Variants in KLHL28 observed in about 807,000 individuals in gnomAD.
The protein encoded by KLHL28 is kelch-like protein 28.
In KLHL28, 22 loss-of-function variants were observed where a neutral mutation model predicts 48.3. That is an observed-to-expected ratio of 0.46 (90% confidence interval 0.33 to 0.65). The LOEUF is 0.65. Ranked by LOEUF, KLHL28 falls within the 30% of genes least tolerant of loss-of-function variation. KLHL28 has a pLI of 0.03. For synonymous variants in KLHL28, 243 were observed against 242.4 expected (o/e 1.00, Z -0.02); for missense variants, 527 against 704.3 (o/e 0.75, Z 2.85).
At chr14:44,937,127 GT>G (rs1275465159) in intron 2 of KLHL28, among the ~76,000 whole-genome samples, 1 of 150,400 alleles carries the variant, frequency 6.6e-6, no homozygotes, top group Non-Finnish European at 1.5e-5. Flanking sequence ...GAATTGAATT[GT>G]TTTTTTTGTT....
At chr14:44,943,615 C>G (rs1884194528) in intron 2 of KLHL28, among the ~76,000 whole-genome samples, 1 of 151,772 alleles carries the variant, frequency 6.6e-6, no homozygotes, top group Admixed American at 6.6e-5. Flanking sequence ...TGAGATTGCA[C>G]CACTGCACTC....
intron 4 of KLHL28, among the ~76,000 whole-genome samples, chr14:44,929,600 G>C (rs948751396): frequency 2.0e-5 from 3 of 152,196 alleles, no homozygotes; most frequent in East Asian, 3.9e-4. Context: ...ACTATCTGCA[G>C]TTTCAGTCCA....
chr14:44,942,541 T>C (rs1052874143), intron 2 of KLHL28, among the ~76,000 whole-genome samples: 1 of 152,200 alleles, frequency 6.6e-6, no homozygotes, highest in East Asian at 1.9e-4. Flanking sequence ...AGTCTTTTTT[T>C]TTTTTTAAAT....
At chr14:44,936,114 C>A (rs1883816040) in intron 2 of KLHL28, among the ~76,000 whole-genome samples, 1 of 151,328 alleles carries the variant, frequency 6.6e-6, no homozygotes, top group African/African-American at 2.4e-5. Context: ...AGTAGTCTGA[C>A]CCTAACAAGG....
chr14:44,958,159 C>A (rs1484695170), intron 1 of KLHL28, among the ~76,000 whole-genome samples: 1 of 150,542 alleles, frequency 6.6e-6, no homozygotes, highest in Non-Finnish European at 1.5e-5. Context: ...TAAAAAGTAT[C>A]CATTTGAAAT....
At position 44,945,806 on chromosome 14, in the gene KLHL28, T is replaced by C; in HGVS notation, c.123A>G (p.Val41=). Residue 41 remains valine, a synonymous_variant, in exon 2 of 5, where the codon GTA becomes GTG. Transcript: ENST00000396128. ...TGTGAGCATGAATTTTAACATCACC[T>C]ACTCGAAGAATGATGTCACAGAGTT... The part of the protein sequence containing the change: ...HHELCDIILR[V]GDVKIHAHKV... 1 of 1,614,122 alleles carries C rather than the reference T, an allele frequency of 6.2e-7. No individual in the cohort carries two copies. Among genetic ancestry groups the C allele is most frequent in the Non-Finnish European group, 8.5e-7 (1 of 1,179,960 alleles).
chr14:44,936,868 A>G (rs189837475), intron 2 of KLHL28, among the ~76,000 whole-genome samples: 323 of 152,328 alleles, frequency 2.1e-3, no homozygotes, highest in Non-Finnish European at 3.7e-3. Context: ...AGAGCAATCA[A>G]TTCTACTAAC....
chr14:44,936,691 C>A (rs558998090), intron 2 of KLHL28, among the ~76,000 whole-genome samples: 1 of 152,248 alleles, frequency 6.6e-6, no homozygotes, highest in African/African-American at 2.4e-5. Context: ...TTACATTCTG[C>A]TGCTCAGATG....
chr14:44,951,056 T>C (rs1422244646), intron 1 of KLHL28, among the ~76,000 whole-genome samples: 1 of 152,254 alleles, frequency 6.6e-6, no homozygotes. Flanking sequence ...GTAAACTGCC[T>C]GGATCCTTGT....
At chr14:44,935,900 A>ATATATATATATATATATATATATATATC (rs1180902349) in intron 2 of KLHL28, among the ~76,000 whole-genome samples, 1 of 129,042 alleles carries the variant, frequency 7.7e-6, no homozygotes, top group Non-Finnish European at 1.7e-5. Context: ...GTATATATAT[A>ATATATATATATATATATATATATATATC]TATCTTTACC....
rs185361638 is a variant in KLHL28, at chr14:44,925,075, T to C, written c.*3953A>G. On this transcript the variant is annotated 3_prime_UTR_variant, in exon 5 of 5. Transcript: ENST00000396128. ...AATCATGTCTAATTAAAGTGCTGTTTACAAAGGGAAAAAAGGTTAAGAAGT... is the reference window on the plus strand; with the variant it reads ...AATCATGTCTAATTAAAGTGCTGTTCACAAAGGGAAAAAAGGTTAAGAAGT... 6.5e-6 allele frequency: 1 copy of C among 152,712 alleles called. No individual in the cohort carries two copies. Among genetic ancestry groups the C allele is most frequent in the East Asian group, 1.9e-4 (1 of 5,194 alleles). 9.5% of individuals were successfully genotyped at this position (152,712 alleles called of 1,614,324 possible). A position where few individuals can be genotyped will look rare whatever the true frequency, so the allele number is the denominator to read the frequency against.
chr14:44,951,122 C>T (rs1289460773), intron 1 of KLHL28, among the ~76,000 whole-genome samples: 8 of 152,230 alleles, frequency 5.3e-5, no homozygotes, highest in Non-Finnish European at 1.0e-4. Flanking sequence ...AAAACTATGG[C>T]TAAGCAGTTT....
At chr14:44,940,254 G>A (rs1884012738) in intron 2 of KLHL28, among the ~76,000 whole-genome samples, 1 of 152,106 alleles carries the variant, frequency 6.6e-6, no homozygotes, top group Non-Finnish European at 1.5e-5. Context: ...ACCTCTTAAA[G>A]GCCCCATCTC....
chr14:44,953,454 T>C (rs1347453301), intron 1 of KLHL28, among the ~76,000 whole-genome samples: 5 of 152,220 alleles, frequency 3.3e-5, no homozygotes, highest in Admixed American at 3.3e-4. Context: ...TATGAACGGA[T>C]TGATCCACTT....
chr14:44,944,934 AG>A (rs1363863182), intron 2 of KLHL28, 95 bp downstream of exon 2: 1 of 941,904 alleles, frequency 1.1e-6, no homozygotes, highest in Admixed American at 2.6e-5. Context: ...AAAAGTAAAA[AG>A]GAAAATCAAA....
rs570070806 is a variant in KLHL28 at position 44,938,028 on chromosome 14, A to G, written c.900-3470T>C. Among the ~76,000 whole-genome samples the G allele has an allele frequency of 3.3e-5, 5 of 152,316 alleles. No homozygotes were observed. The South Asian group carries it at 1.0e-3, about 32-fold the overall frequency. On this transcript the variant is annotated intron_variant, in intron 2 of 4. Transcript: ENST00000396128. The stretch of plus-strand genomic sequence containing the variant: ...AACTTTTGGGGAACACTTTCAAACC[A>G]TAGAATTTTGCCCCTGGCCCTCAAA...
chr14:44,955,616 G>GA (rs1012282381), intron 1 of KLHL28, among the ~76,000 whole-genome samples: 12 of 151,774 alleles, frequency 7.9e-5, no homozygotes, highest in Non-Finnish European at 1.2e-4. Flanking sequence ...TCTCTACAAA[G>GA]AAAAAAAACA....
Position 44,925,190 on chromosome 14 carries a change from C to T in KLHL28, c.*3838G>A, listed in dbSNP as rs1297884073. 1.3e-5 allele frequency: 2 copies of T among 152,262 alleles called. No individual in the cohort carries two copies. Among genetic ancestry groups the T allele is most frequent in the Non-Finnish European group, 2.9e-5 (2 of 67,964 alleles). 9.4% of individuals were successfully genotyped at this position (152,262 alleles called of 1,614,324 possible). On this transcript the variant is annotated 3_prime_UTR_variant, in exon 5 of 5. Coordinates refer to ENST00000396128, the MANE Select transcript of KLHL28 (RefSeq NM_017658.5). ...ATGAGGTTATCACAAGTTTACTGAACTTTAAGCAGTAAGTGTTTATTGTAG... is the reference window on the plus strand; with the variant it reads ...ATGAGGTTATCACAAGTTTACTGAATTTTAAGCAGTAAGTGTTTATTGTAG...
At chr14:44,933,687 G>A (rs1202937042) in intron 3 of KLHL28, among the ~76,000 whole-genome samples, 3 of 151,982 alleles carry the variant, frequency 2.0e-5, no homozygotes, top group East Asian at 3.9e-4. Flanking sequence ...AATTCAGAAA[G>A]GAATATTTAA....
Sources: allele counts gnomAD v4.1 joint callset (sites outside exome capture counted in the v4.1 genomes callset), GRCh38; gene constraint gnomAD v4.1.1; transcripts MANE v1.5; gene names NCBI Gene and HGNC (gene_info 2026-07-23, HGNC 2026-07-21).